IGF2R: variants seen among roughly 807,000 people sequenced by gnomAD.
The protein encoded by IGF2R is cation-independent mannose-6-phosphate receptor.
Under a neutral mutation model 270.6 loss-of-function variants are expected in IGF2R, and 91 were observed. The ratio of observed to expected loss-of-function variants is 0.34; its 90% CI spans 0.28 to 0.40. IGF2R has a LOEUF of 0.40. Among genes scored for constraint, IGF2R ranks in the 10% least tolerant of loss-of-function variants. The pLI, the probability that IGF2R is intolerant of heterozygous loss-of-function variation, is 1.00. For synonymous variants in IGF2R, 1,316 were observed against 1,258.9 expected, an observed-to-expected ratio of 1.05 and a Z score of -0.96; for missense variants, 2,805 against 3,188.3, an observed-to-expected ratio of 0.88 and a Z score of 2.90.
chr6:160,013,343 G>A (rs1208135400), intron 4 of IGF2R, among the ~76,000 whole-genome samples: 2 of 140,254 alleles, frequency 1.4e-5, no homozygotes, highest in African/African-American at 5.4e-5. Context: ...ACAAAACAAA[G>A]AGGAATATGC....
chr6:160,100,885 G>A (rs1320414745), intron 45 of IGF2R, among the ~76,000 whole-genome samples: 1 of 148,292 alleles, frequency 6.7e-6, no homozygotes, highest in African/African-American at 2.5e-5. Flanking sequence ...CTGCTTCCCA[G>A]ATTCAAGTGA....
chr6:160,017,705 A>G (rs954043758), intron 4 of IGF2R, among the ~76,000 whole-genome samples: 1 of 152,168 alleles, frequency 6.6e-6, no homozygotes, highest in African/African-American at 2.4e-5. Context: ...TCTCTTTTCA[A>G]GGTGCTTAAG....
intron 1 of IGF2R, among the ~76,000 whole-genome samples, chr6:159,985,261 TAA>T (rs1208533337): frequency 7.9e-5 from 12 of 152,244 alleles, no homozygotes; most frequent in Non-Finnish European, 1.8e-4. Context: ...TCTGAAAAGT[TAA>T]AACCATTTCT....
At chr6:160,010,562 G>T (rs955614144) in intron 3 of IGF2R, 125 bp from the exon 4 acceptor site, 1 of 617,552 alleles carries the variant, frequency 1.6e-6, no homozygotes, top group African/African-American at 1.8e-5. Context: ...TAAAGCGGTT[G>T]CATCCCCTGC....
chr6:160,068,061 GGGGGGTGTGTGT>G (rs962157858), intron 29 of IGF2R, among the ~76,000 whole-genome samples, 176 bp from the exon 30 acceptor site: 17 of 39,126 alleles, frequency 4.3e-4, no homozygotes, highest in African/African-American at 1.3e-3. Flanking sequence ...TGATTCTGAT[GGGGGGTGTGTGT>G]GTGTGTGTGT....
intron 10 of IGF2R, among the ~76,000 whole-genome samples, chr6:160,034,758 GT>G (rs1777776142): frequency 6.6e-6 from 1 of 152,144 alleles, no homozygotes; most frequent in Non-Finnish European, 1.5e-5. Context: ...GGTTTTCTCT[GT>G]TTGTTTTGGG....
intron 9 of IGF2R, among the ~76,000 whole-genome samples, chr6:160,034,065 C>G (rs907503003): frequency 1.3e-5 from 2 of 152,198 alleles, no homozygotes; most frequent in African/African-American, 4.8e-5. Context: ...TCCAAGGCCC[C>G]TCAGGCACGG....
At chr6:160,068,446 G>A in intron 30 of IGF2R, 61 bp downstream of exon 30, 1 of 1,596,334 alleles carries the variant, frequency 6.3e-7, no homozygotes, top group Non-Finnish European at 8.6e-7. Flanking sequence ...GCCAGCACTG[G>A]TGAGAGGGGG....
rs1448687486 is a variant in IGF2R, at chr6:159,999,879, G to T, written c.289+8556G>T. On this transcript the variant is annotated intron_variant, in intron 2 of 47. Coordinates refer to ENST00000356956, the MANE Select transcript of IGF2R (RefSeq NM_000876.4). ...TAACATATAGATATAATCTAGAAGA[G>T]CCTTCCTTAAGGAATCCTGGAAGCC... 3.3e-5 allele frequency among the ~76,000 whole-genome samples: 5 copies of T among 152,250 alleles called. No homozygotes were observed. In the East Asian group the frequency reaches 9.6e-4, roughly 29 times the overall value.
intron 2 of IGF2R, among the ~76,000 whole-genome samples, chr6:160,002,862 A>G (rs1397018089): frequency 6.6e-6 from 1 of 152,210 alleles, no homozygotes; most frequent in African/African-American, 2.4e-5. Context: ...TAAAAATACC[A>G]AATACATTCA....
At position 159,991,306 on chromosome 6, in the gene IGF2R, G is replaced by C. The variant is rs8191704; in HGVS notation, c.272G>C (p.Arg91Pro). The stretch of plus-strand genomic sequence containing the variant: ...GTTTGTATGCACGACTTGAAGACAC[G>C]CACTTATCATTCAGTGGGTAAGTAG... ...SAVCMHDLKT[R>P]TYHSVGDSVL... is the part of the protein sequence containing the mutation. Residue 91 changes from arginine (R) to proline (P), a missense_variant, in exon 2 of 48, where the codon CGC becomes CCC. Physicochemically the swap from Arg to Pro is moderately radical, Grantham distance 103. Transcript: ENST00000356956. 5.6e-6 allele frequency: 9 copies of C among 1,610,806 alleles called. No homozygotes were observed.
intron 11 of IGF2R, 21 bp from the exon 12 acceptor site, chr6:160,043,127 T>C (rs1777982949): frequency 6.2e-7 from 1 of 1,612,846 alleles, no homozygotes; most frequent in African/African-American, 1.3e-5. Context: ...TTGGCTAAAA[T>C]ACACTTTTGT....
chr6:159,976,017 T>C (rs1783688097), intron 1 of IGF2R, among the ~76,000 whole-genome samples: 1 of 151,824 alleles, frequency 6.6e-6, no homozygotes, highest in South Asian at 2.1e-4. Context: ...AAGGAGCTAG[T>C]TAGCTTTTAG....
At chr6:160,041,948 G>A (rs930362034) in intron 11 of IGF2R, among the ~76,000 whole-genome samples, 2 of 152,040 alleles carry the variant, frequency 1.3e-5, no homozygotes, top group African/African-American at 4.8e-5. Flanking sequence ...CTCCAGGCCC[G>A]GGTTTCTTAC....
chr6:160,069,723 T>G, intron 30 of IGF2R, 145 bp from the exon 31 acceptor site: 1 of 695,114 alleles, frequency 1.4e-6, no homozygotes, highest in Non-Finnish European at 2.4e-6. Context: ...ATCTGACTTA[T>G]GTGAAAGAAA....
At chr6:160,008,892 A>C in intron 2 of IGF2R, 118 bp from the exon 3 acceptor site, 3 of 1,044,306 alleles carry the variant, frequency 2.9e-6, no homozygotes, top group Non-Finnish European at 4.2e-6. Context: ...GGACAGTTTT[A>C]TAAATTTATA....
At chr6:160,019,253 C>T (rs919242234) in intron 4 of IGF2R, among the ~76,000 whole-genome samples, 4 of 151,874 alleles carry the variant, frequency 2.6e-5, no homozygotes, top group African/African-American at 9.7e-5. Flanking sequence ...ATAGAAATTC[C>T]AAAAAGACCA....
Position 160,089,987 on chromosome 6 carries a change from T to A in IGF2R, c.6539T>A (p.Ile2180Asn). 6.2e-7 allele frequency: 1 copy of A among 1,607,546 alleles called. No homozygotes were observed. The highest frequency in any genetic ancestry group is 8.5e-7 in the Non-Finnish European group (1 of 1,177,136). Residue 2180 changes from isoleucine (I) to asparagine (N), a missense_variant, in exon 44 of 48, where the codon ATC (isoleucine) becomes AAC (asparagine). Physicochemically the swap from Ile to Asn is moderately radical, Grantham distance 149. Coordinates refer to ENST00000356956, the MANE Select transcript of IGF2R (RefSeq NM_000876.4). ...NYLYEIQLSS[I>N]TSSRNPACSG... ...CTGTATGAGATCCAACTTTCCTCCA[T>A]CACAAGCTCCAGAAACCCGGCGTGC...
At chr6:160,100,439 C>G (rs1439017873) in intron 45 of IGF2R, among the ~76,000 whole-genome samples, 2 of 152,044 alleles carry the variant, frequency 1.3e-5, no homozygotes, top group Non-Finnish European at 1.5e-5. Context: ...TAGGAAGATA[C>G]AAGAATCCTA....
Sources: allele counts gnomAD v4.1 joint callset (sites outside exome capture counted in the v4.1 genomes callset), GRCh38; gene constraint gnomAD v4.1.1; transcripts MANE v1.5; gene names NCBI Gene and HGNC (gene_info 2026-07-23, HGNC 2026-07-21).